Variants in LONRF1 observed in about 807,000 individuals in gnomAD.
LONRF1 encodes the protein LON peptidase N-terminal domain and ring finger 1.
A neutral mutation model predicts 85.8 loss-of-function variants in LONRF1; 37 were observed. The observed-to-expected ratio is 0.43, with a 90% CI of 0.33 to 0.57. The LOEUF (loss-of-function observed/expected upper bound fraction) is 0.57, where lower values mean the gene tolerates loss of function less well. Ranked by LOEUF, LONRF1 falls within the 20% of genes least tolerant of loss-of-function variation. The probability of loss-of-function intolerance (pLI) is 0.04; values close to 1 mark genes in which losing one functional copy is unlikely to be tolerated. For synonymous variants in LONRF1, 517 were observed against 390.1 expected (o/e 1.33, Z -3.83); for missense variants, 1,036 against 978.0 (o/e 1.06, Z -0.79).
intron 1 of LONRF1, among the ~76,000 whole-genome samples, chr8:12,751,306 T>TTTTTGTTTTTTTTTG (rs1563160693): frequency 1.3e-4 from 14 of 104,600 alleles, no homozygotes; most frequent in Admixed American, 6.1e-4. Flanking sequence ...GTTTTTTTTT[T>TTTTTGTTTTTTTTTG]TTTTTTTTTT....
rs1343996360 is a variant in LONRF1 at position 12,736,730 on chromosome 8, G to A, written c.1422C>T (p.Val474=). The part of the protein sequence containing the change: ...YGDIPEELID[V]SDFECSLCMR... ...TGCAGAGAGAACACTCGAAATCTGA[G>A]ACATCGATTAATTCTTCTGGAATAT... Residue 474 remains valine (V), a synonymous_variant, in exon 6 of 12, where the codon GTC becomes GTT. Coordinates refer to ENST00000398246, the MANE Select transcript of LONRF1 (RefSeq NM_152271.5). 3 of 1,610,976 alleles carry A rather than the reference G, an allele frequency of 1.9e-6. No homozygotes were observed. Among genetic ancestry groups the A allele is most frequent in the Non-Finnish European group, 2.5e-6 (3 of 1,178,588 alleles).
At chr8:12,726,160 A>G (rs73665640) in intron 10 of LONRF1, among the ~76,000 whole-genome samples, 1 of 152,356 alleles carries the variant, frequency 6.6e-6, no homozygotes, top group African/African-American at 2.4e-5. Flanking sequence ...TGGGAAGAGT[A>G]AGATTGAGAG....
At position 12,736,887 on chromosome 8, in the gene LONRF1, G is replaced by A. The variant is rs771461533; in HGVS notation, c.1354+13C>T. 2.5e-6 allele frequency: 4 copies of A among 1,597,536 alleles called. No homozygotes were observed. In the East Asian group the frequency reaches 6.8e-5, roughly 27 times the overall value. On this transcript the variant is annotated intron_variant, in intron 5 of 11. Transcript: ENST00000398246. ...TAAATTTATTTTATATAAGTGTAGA[G>A]CAAAATTTTTACCTCCTTGTTTTTT...
At chr8:12,728,116 T>C (rs1035695669) in intron 10 of LONRF1, among the ~76,000 whole-genome samples, 6 of 152,164 alleles carry the variant, frequency 3.9e-5, no homozygotes, top group African/African-American at 9.7e-5. Flanking sequence ...AACAGATCAA[T>C]GAATAAGAGA....
intron 1 of LONRF1, among the ~76,000 whole-genome samples, chr8:12,745,321 GAAAAA>G (rs36196945): frequency 0.69 from 84,201 of 122,438 alleles, 30,050 homozygotes; most frequent in East Asian, 0.84. Flanking sequence ...TATTTTTTTG[GAAAAA>G]AAAAAAAAAA....
intron 10 of LONRF1, among the ~76,000 whole-genome samples, chr8:12,728,025 G>C (rs1335104563): frequency 1.3e-5 from 2 of 152,172 alleles, no homozygotes; most frequent in Admixed American, 6.5e-5. Flanking sequence ...ATTTCATAGA[G>C]TTGTGAAAAT....
At chr8:12,741,054 A>G (rs1328786535) in intron 2 of LONRF1, 58 bp from the exon 3 acceptor site, 1 of 1,584,896 alleles carries the variant, frequency 6.3e-7, no homozygotes, top group Non-Finnish European at 8.6e-7. Flanking sequence ...TTAAAAAATC[A>G]TTATCAAGTA....
rs1805932930 is a variant in LONRF1 at position 12,722,468 on chromosome 8, T to TTC, written c.*627_*628insGA. On this transcript the variant is annotated 3_prime_UTR_variant, in exon 12 of 12. Coordinates refer to ENST00000398246, the MANE Select transcript of LONRF1 (RefSeq NM_152271.5). ...TCTGCATCCAATGCCTGTCGGCCAC[T>TTC]GTGATGCAAGTATTTACATAAATAA... is the stretch of plus-strand genomic sequence containing the variant. 1 of 152,674 alleles carries TTC rather than the reference T, an allele frequency of 6.5e-6. No homozygotes were observed. The highest frequency in any genetic ancestry group is 2.4e-5 in the African/African-American group (1 of 41,466). The allele number at this position is 152,674 out of a possible 1,614,324, so 9.5% of individuals were successfully genotyped here.
Position 12,755,524 on chromosome 8 carries a change from G to T in LONRF1, c.-104C>A. Reference sequence around the variant, plus strand: ...CGCGAGCAGGGGGGCGTGGCGCGCGGACACGGCGGGGCTGCGCGCGCCCGG... The same window carrying T: ...CGCGAGCAGGGGGGCGTGGCGCGCGTACACGGCGGGGCTGCGCGCGCCCGG... On this transcript the variant is annotated 5_prime_UTR_variant, in exon 1 of 12. Transcript: ENST00000398246. The T allele has an allele frequency of 2.1e-6, 1 of 480,450 alleles. No individual in the cohort carries two copies. Among genetic ancestry groups the T allele is most frequent in the Non-Finnish European group, 2.7e-6 (1 of 371,254 alleles). 29.8% of individuals were successfully genotyped at this position (480,450 alleles called of 1,614,324 possible).
At chr8:12,739,660 C>A (rs905527592) in intron 3 of LONRF1, among the ~76,000 whole-genome samples, 1 of 152,102 alleles carries the variant, frequency 6.6e-6, no homozygotes, top group Non-Finnish European at 1.5e-5. Flanking sequence ...TGGAGAAAAA[C>A]AAAATATTCT....
Position 12,723,187 on chromosome 8 carries a change from T to C in LONRF1, c.2231A>G (p.Gln744Arg). 6.2e-7 allele frequency: 1 copy of C among 1,614,190 alleles called. No homozygotes were observed. The highest frequency in any genetic ancestry group is 8.5e-7 in the Non-Finnish European group (1 of 1,180,028). The change falls in exon 12 of 12, where the codon CAG (glutamine) becomes CGG (arginine). Residue 744 changes from glutamine to arginine, a missense_variant. Transcript: ENST00000398246. ...LAVLPVDPRYQLSVLSMKSLK... is the reference protein window; with the variant it reads ...LAVLPVDPRYRLSVLSMKSLK... ...AGACTTCATTGACAAAACCGACAGC[T>C]GGTATCGTGGGTCTACAGGGAGAAC...
At chr8:12,753,419 G>C (rs1435373801) in intron 1 of LONRF1, 1 of 152,260 alleles carries the variant, frequency 6.6e-6, no homozygotes, top group South Asian at 2.1e-4. Context: ...TCATGCCAAT[G>C]GATAGACACT....
At chr8:12,740,763 T>G in intron 3 of LONRF1, 111 bp downstream of exon 3, 1 of 1,323,366 alleles carries the variant, frequency 7.6e-7, no homozygotes, top group Non-Finnish European at 1.0e-6. Context: ...TGTTCCTAAG[T>G]TAGATTTATT....
intron 2 of LONRF1, among the ~76,000 whole-genome samples, chr8:12,741,541 C>A (rs546668321): frequency 4.6e-5 from 7 of 152,274 alleles, no homozygotes; most frequent in Admixed American, 1.3e-4. Flanking sequence ...CAAGTCAGAG[C>A]TGGGCAGGAT....
At chr8:12,739,270 T>A (rs1025802496) in intron 3 of LONRF1, among the ~76,000 whole-genome samples, 6 of 150,244 alleles carry the variant, frequency 4.0e-5, no homozygotes, top group African/African-American at 1.5e-4. Context: ...ACAAATTCCA[T>A]TATGTTCATA....
intron 10 of LONRF1, 101 bp downstream of exon 10, chr8:12,728,800 A>G (rs918674834): frequency 6.0e-6 from 8 of 1,326,528 alleles, no homozygotes; most frequent in East Asian, 4.6e-5. Context: ...AGGCTGTCTG[A>G]TAAGAACTGG....
At chr8:12,746,864 C>A (rs1013499736) in intron 1 of LONRF1, among the ~76,000 whole-genome samples, 31 of 152,172 alleles carry the variant, frequency 2.0e-4, no homozygotes, top group African/African-American at 7.0e-4. Flanking sequence ...TGGTAACAGT[C>A]TCTACCCCAA....
chr8:12,726,057 G>T, intron 10 of LONRF1, 178 bp from the exon 11 acceptor site: 2 of 531,712 alleles, frequency 3.8e-6, no homozygotes, highest in Non-Finnish European at 6.5e-6. Flanking sequence ...ATATAGGGCT[G>T]ACCAGACTAA....
intron 8 of LONRF1, 126 bp from the exon 9 acceptor site, chr8:12,729,458 A>G: frequency 2.1e-6 from 2 of 940,846 alleles, no homozygotes; most frequent in Non-Finnish European, 3.1e-6. Context: ...TTAGTTCTAA[A>G]TAAGGTGGTT....
Sources: gnomAD v4.1 joint callset for allele counts (sites outside exome capture counted in the v4.1 genomes callset) on GRCh38, gnomAD v4.1.1 for gene constraint, MANE v1.5 for transcripts, NCBI Gene and HGNC (gene_info 2026-07-23, HGNC 2026-07-21) for gene names.